The following NELL2 variants were observed in gnomAD, a reference collection of about 807,000 sequenced individuals.
NELL2 encodes protein kinase C-binding protein NELL2.
Under a neutral mutation model 109.6 loss-of-function variants are expected in NELL2, and 41 were observed. The observed-to-expected ratio is 0.37, with a 90% CI of 0.29 to 0.49. The LOEUF (loss-of-function observed/expected upper bound fraction) is 0.49. Among genes scored for constraint, NELL2 ranks in the 20% least tolerant of loss-of-function variants. NELL2 has a pLI of 0.98. For missense variants in NELL2, 900 were observed against 1,008.3 expected, an observed-to-expected ratio of 0.89 and a Z score of 1.45; for synonymous variants, 355 against 344.7, an observed-to-expected ratio of 1.03 and a Z score of -0.33.
intron 3 of NELL2, among the ~76,000 whole-genome samples, chr12:44,785,423 A>T (rs1297221899): frequency 6.6e-6 from 1 of 152,238 alleles, no homozygotes; most frequent in Non-Finnish European, 1.5e-5. Context: ...GGATAGGAAG[A>T]ATCAATATCA....
intron 9 of NELL2, among the ~76,000 whole-genome samples, chr12:44,721,661 T>C (rs993394705): frequency 3.9e-5 from 6 of 152,154 alleles, no homozygotes; most frequent in Non-Finnish European, 7.3e-5. Context: ...ACATGTTGTT[T>C]TGATGTTATA....
chr12:44,863,929 G>A (rs1183921333), intron 2 of NELL2, among the ~76,000 whole-genome samples: 1 of 152,174 alleles, frequency 6.6e-6, no homozygotes, highest in Admixed American at 6.5e-5. Context: ...TAGGCAGGGA[G>A]TTGGCTGTAA....
chr12:44,584,567 A>T (rs762127156), intron 15 of NELL2, among the ~76,000 whole-genome samples: 1 of 152,212 alleles, frequency 6.6e-6, no homozygotes, highest in Non-Finnish European at 1.5e-5. Context: ...AAGGTTAGGG[A>T]AAAGAGATTA....
At position 44,816,149 on chromosome 12, in the gene NELL2, C is replaced by G; in HGVS notation, c.185-13G>C. The G allele has an allele frequency of 6.4e-7, 1 of 1,571,126 alleles. No homozygotes were observed. The highest frequency in any genetic ancestry group is 1.4e-5 in the African/African-American group (1 of 72,492). On this transcript the variant is annotated splice_polypyrimidine_tract_variant and intron_variant, in intron 2 of 19. Transcript: ENST00000429094. Reference sequence around the variant, plus strand: ...CTTCTGGGAGTATCTAAAAAAGAAACAAACATATACTAAGAATAGTAGAAT... The same window carrying G: ...CTTCTGGGAGTATCTAAAAAAGAAAGAAACATATACTAAGAATAGTAGAAT...
chr12:44,808,939 A>G (rs77232940), intron 3 of NELL2, among the ~76,000 whole-genome samples: 2,715 of 152,136 alleles, frequency 0.018, 100 homozygotes, highest in African/African-American at 0.062. Context: ...ACAGTTTAAT[A>G]TTTATTTGCA....
At chr12:44,656,796 ATC>A (rs1361778225) in intron 13 of NELL2, among the ~76,000 whole-genome samples, 2 of 152,146 alleles carry the variant, frequency 1.3e-5, no homozygotes, top group African/African-American at 4.8e-5. Context: ...ACGATAAATT[ATC>A]TGTTTTGTTC....
intron 15 of NELL2, among the ~76,000 whole-genome samples, chr12:44,579,427 A>G (rs1944244678): frequency 6.6e-6 from 1 of 152,192 alleles, no homozygotes; most frequent in South Asian, 2.1e-4. Context: ...TTTTGTTCTG[A>G]AACAAGTGTA....
intron 1 of NELL2, among the ~76,000 whole-genome samples, chr12:44,912,441 T>C (rs1171854823): frequency 3.3e-5 from 5 of 152,122 alleles, no homozygotes; most frequent in Non-Finnish European, 5.9e-5. Flanking sequence ...AATATACTAA[T>C]ACACACTGAA....
intron 2 of NELL2, among the ~76,000 whole-genome samples, chr12:44,836,879 G>C (rs561491762): frequency 1.1e-4 from 17 of 152,256 alleles, no homozygotes; most frequent in South Asian, 8.3e-4. Context: ...GATGAAGAAG[G>C]AGCATTGTAT....
chr12:44,800,476 C>T (rs753434726), intron 3 of NELL2, among the ~76,000 whole-genome samples: 5 of 152,244 alleles, frequency 3.3e-5, no homozygotes, highest in East Asian at 1.9e-4. Flanking sequence ...TGCAATTGCA[C>T]GCTTTCAAAG....
rs111494806 is a variant in NELL2 at position 44,722,230 on chromosome 12, C to T, written c.995-7489G>A. ...TCACTTTGTTGCCCAGGTTGGAGTG[C>T]TGTGGCACGATGAACTGCAACCTCA... On this transcript the variant is annotated intron_variant, in intron 9 of 19. Transcript: ENST00000429094. 4.1e-3 allele frequency among the ~76,000 whole-genome samples: 620 copies of T among 151,904 alleles called. 5 individuals are homozygous for T. The highest frequency in any genetic ancestry group is 0.014 in the African/African-American group (586 of 41,410).
intron 15 of NELL2, among the ~76,000 whole-genome samples, chr12:44,602,395 A>C (rs1196725526): frequency 6.6e-6 from 1 of 152,170 alleles, no homozygotes. Context: ...TAGGATAGTA[A>C]AGAACTAGAA....
intron 12 of NELL2, among the ~76,000 whole-genome samples, chr12:44,684,790 T>C (rs1476192156): frequency 6.6e-6 from 1 of 152,226 alleles, no homozygotes; most frequent in African/African-American, 2.4e-5. Context: ...AGATAGTTTG[T>C]TATAATTTCT....
chr12:44,838,627 A>T (rs531683658), intron 2 of NELL2, among the ~76,000 whole-genome samples: 1 of 151,066 alleles, frequency 6.6e-6, no homozygotes, highest in East Asian at 2.0e-4. Context: ...CTGGATTAAC[A>T]TATCTCTCAC....
At chr12:44,716,734 A>G (rs886408897) in intron 9 of NELL2, among the ~76,000 whole-genome samples, 12 of 152,160 alleles carry the variant, frequency 7.9e-5, no homozygotes, top group African/African-American at 2.9e-4. Flanking sequence ...ATTATATTAT[A>G]CGACTTGATA....
At chr12:44,673,231 T>G (rs1430857095) in intron 12 of NELL2, among the ~76,000 whole-genome samples, 1 of 152,210 alleles carries the variant, frequency 6.6e-6, no homozygotes. Context: ...TCCATTTACA[T>G]GTACAGATAT....
intron 9 of NELL2, among the ~76,000 whole-genome samples, chr12:44,761,466 T>C (rs190663812): frequency 8.5e-5 from 13 of 152,312 alleles, no homozygotes; most frequent in African/African-American, 2.6e-4. Context: ...GAAAACAATA[T>C]GGAGATTTCT....
At chr12:44,726,426 T>C (rs1939086461) in intron 9 of NELL2, among the ~76,000 whole-genome samples, 1 of 152,020 alleles carries the variant, frequency 6.6e-6, no homozygotes, top group African/African-American at 2.4e-5. Flanking sequence ...CGCTTTCTAG[T>C]CCAGTCAAAT....
intron 13 of NELL2, among the ~76,000 whole-genome samples, chr12:44,649,201 C>T (rs1005440175): frequency 6.6e-6 from 1 of 151,870 alleles, no homozygotes; most frequent in Non-Finnish European, 1.5e-5. Context: ...CTTCTCTCTT[C>T]CTCCTTCCCT....
Sources: gnomAD v4.1 joint callset for allele counts (sites outside exome capture counted in the v4.1 genomes callset) on GRCh38, gnomAD v4.1.1 for gene constraint, MANE v1.5 for transcripts, NCBI Gene and HGNC (gene_info 2026-07-23, HGNC 2026-07-21) for gene names.